The following MYEOV variants were observed in gnomAD, a reference collection of about 807,000 sequenced individuals.
The protein encoded by MYEOV is myeloma overexpressed.
Under a neutral mutation model 4.5 loss-of-function variants are expected in MYEOV, and 4 were observed. The observed-to-expected ratio is 0.89, with a 90% confidence interval of 0.44 to 2.03. The LOEUF (loss-of-function observed/expected upper bound fraction) is 2.03, where lower values mean the gene tolerates loss of function less well. Ranked by LOEUF, MYEOV falls within the 30% of genes most tolerant of loss-of-function variation. The probability of loss-of-function intolerance (pLI) is 0.03; values close to 1 mark genes in which losing one functional copy is unlikely to be tolerated. For synonymous variants in MYEOV, 184 were observed against 170.3 expected, an observed-to-expected ratio of 1.08 and a Z score of -0.63; for missense variants, 408 against 412.8, an observed-to-expected ratio of 0.99 and a Z score of 0.10.
chr11:69,297,141 C>G lies in MYEOV; in HGVS notation c.*749C>G, dbSNP rs567473525. 1 of 152,330 alleles carries G rather than the reference C, an allele frequency of 6.6e-6. No individual in the cohort carries two copies. The highest frequency in any genetic ancestry group is 2.1e-4 in the South Asian group (1 of 4,826). 9.4% of individuals were successfully genotyped at this position (152,330 alleles called of 1,614,324 possible). On this transcript the variant is annotated 3_prime_UTR_variant, in exon 3 of 3. Transcript: ENST00000441339. Reference sequence around the variant, plus strand: ...CTCAGAAGGGAGCTTTAGGCTTGCTCTCAGTCACCACATTAGCTCAGGGGT... The same window carrying G: ...CTCAGAAGGGAGCTTTAGGCTTGCTGTCAGTCACCACATTAGCTCAGGGGT...
rs767982008 is a variant in MYEOV at position 69,296,159 on chromosome 11, C to T, written c.709C>T (p.Leu237=). The T allele has an allele frequency of 8.1e-6, 13 of 1,614,102 alleles. No homozygotes were observed. Among genetic ancestry groups the T allele is most frequent in the Non-Finnish European group, 3.4e-6 (4 of 1,180,020 alleles). ...PDYERGRRAC[L]TLHRHPTPHC... The stretch of plus-strand genomic sequence containing the variant: ...CTATGAAAGGGGAAGAAGAGCATGC[C>T]TGACCCTCCACCGGCACCCCACCCC... Residue 237 remains leucine (L), a synonymous_variant, in exon 3 of 3, where the codon CTG becomes TTG. Coordinates refer to ENST00000441339, the MANE Select transcript of MYEOV (RefSeq NM_001293291.2).
Position 69,296,474 on chromosome 11 carries a change from C to A in MYEOV, c.*82C>A. On this transcript the variant is annotated 3_prime_UTR_variant, in exon 3 of 3. Coordinates refer to ENST00000441339, the MANE Select transcript of MYEOV (RefSeq NM_001293291.2). ...ACTCCATGAGGTAGCTACTAAAACC[C>A]CCCACTTAACAGATGAGGAAACTGA... The A allele has an allele frequency of 1.1e-6, 1 of 930,066 alleles. No individual in the cohort carries two copies. The allele number at this position is 930,066 out of a possible 1,614,324, so 57.6% of individuals were successfully genotyped here. A position where few individuals can be genotyped will look rare whatever the true frequency, so the allele number is the denominator to read the frequency against.
In MYEOV at chr11:69,294,922, G is replaced by A. The variant is rs998917945; in HGVS notation, c.-122-311G>A. ...CCCAGCTGGCTTCTGCCCAGCCACC[G>A]TCACACACAGAGGGCAGCCGTCCCC... is the stretch of plus-strand genomic sequence containing the variant. On this transcript the variant is annotated intron_variant, in intron 1 of 2. Transcript: ENST00000441339. Among the ~76,000 whole-genome samples, 8 of 152,336 alleles carry A rather than the reference G, an allele frequency of 5.3e-5. 1 individual carries two copies. The highest frequency in any genetic ancestry group is 2.1e-4 in the South Asian group (1 of 4,820).
Position 69,296,643 on chromosome 11 carries a change from A to G in MYEOV, c.*251A>G, listed in dbSNP as rs1161695649. On this transcript the variant is annotated 3_prime_UTR_variant, in exon 3 of 3. Coordinates refer to ENST00000441339, the MANE Select transcript of MYEOV (RefSeq NM_001293291.2). ...TTTTTATTGAGTGTCTCCCAGGTGC[A>G]GGCATGAGCCAGGTGCTGGGAAAAT... 9.6e-6 allele frequency: 4 copies of G among 416,588 alleles called. No homozygotes were observed. Among genetic ancestry groups the G allele is most frequent in the African/African-American group, 8.1e-5 (4 of 49,118 alleles). 25.8% of individuals were successfully genotyped at this position (416,588 alleles called of 1,614,324 possible).
chr11:69,296,092 C>A lies in MYEOV; in HGVS notation c.642C>A (p.Ala214=), dbSNP rs140338946. 13 of 1,614,154 alleles carry A rather than the reference C, an allele frequency of 8.1e-6. No homozygotes were observed. Among genetic ancestry groups the A allele is most frequent in the Admixed American group, 1.7e-5 (1 of 60,030 alleles). Residue 214 remains alanine (A), a synonymous_variant, in exon 3 of 3, where the codon GCC becomes GCA. Coordinates refer to ENST00000441339, the MANE Select transcript of MYEOV (RefSeq NM_001293291.2). ...CTGGGCGAGGACTTCTGGCCGGTGC[C>A]GGGGCACTCTGCATGACCCTGGCAG... ...RSPGRGLLAG[A]GALCMTLAES... is the part of the protein sequence containing the mutation.
chr11:69,295,165 C>G lies in MYEOV; in HGVS notation c.-122-68C>G. The G allele has an allele frequency of 1.0e-6, 1 of 965,660 alleles. No individual in the cohort carries two copies. Among genetic ancestry groups the G allele is most frequent in the African/African-American group, 1.7e-5 (1 of 60,414 alleles). 59.8% of individuals were successfully genotyped at this position (965,660 alleles called of 1,614,324 possible). A position where few individuals can be genotyped will look rare whatever the true frequency, so the allele number is the denominator to read the frequency against. ...CACAGAGCGGCGGCCTCTCATCCTC[C>G]CCATGGTCAAGGAGGTCAGTGCCTT... On this transcript the variant is annotated intron_variant, in intron 1 of 2. Transcript: ENST00000441339. This position sits in a 1 kb window ranked among gnomAD's most constrained non-coding sequence, Gnocchi z 4.1.
In MYEOV at chr11:69,295,679, C is replaced by T. The variant is rs142853719; in HGVS notation, c.229C>T (p.Arg77Trp). Reference sequence around the variant, plus strand: ...GGAGGGCTCCAAAGCCGGCAGATCCCGGGGCCGCCTCTGTCTCTCCCAGGC... The same window carrying T: ...GGAGGGCTCCAAAGCCGGCAGATCCTGGGGCCGCCTCTGTCTCTCCCAGGC... ...FVEGSKAGRSRGRLCLSQALR... is the reference protein window; with the variant it reads ...FVEGSKAGRSWGRLCLSQALR... The change falls in exon 3 of 3, where the codon CGG becomes TGG. Residue 77 changes from arginine (R) to tryptophan (W), a missense_variant. Coordinates refer to ENST00000441339, the MANE Select transcript of MYEOV (RefSeq NM_001293291.2). This position sits in a 1 kb window ranked among gnomAD's most constrained non-coding sequence, Gnocchi z 4.1. 2.5e-5 allele frequency: 40 copies of T among 1,614,128 alleles called. No individual in the cohort carries two copies. The highest frequency in any genetic ancestry group is 2.0e-4 in the African/African-American group (15 of 75,022).
Position 69,295,005 on chromosome 11 carries a change from CAGG to C in MYEOV, c.-122-222_-122-220del, listed in dbSNP as rs1855139599. On this transcript the variant is annotated intron_variant, in intron 1 of 2. Transcript: ENST00000441339. This position sits in a 1 kb window ranked among gnomAD's most constrained non-coding sequence, Gnocchi z 4.1. Reference sequence around the variant, plus strand: ...CCTGGAGTCATCTGTGGCTATAAACCAGGAGGAGAAGGCTGCCCACCCCCTGCC... The same window carrying C: ...CCTGGAGTCATCTGTGGCTATAAACCAGGAGAAGGCTGCCCACCCCCTGCC... Among the ~76,000 whole-genome samples, 1 of 152,150 alleles carries C rather than the reference CAGG, an allele frequency of 6.6e-6. No individual in the cohort carries two copies. Among genetic ancestry groups the C allele is most frequent in the Non-Finnish European group, 1.5e-5 (1 of 68,024 alleles).
rs773064006 is a variant in MYEOV at position 69,296,069 on chromosome 11, G to C, written c.619G>C (p.Gly207Arg). Residue 207 changes from glycine (G) to arginine (R), a missense_variant, in exon 3 of 3, where the codon GGG becomes CGG. Physicochemically the swap from Gly to Arg is moderately radical, Grantham distance 125. Coordinates refer to ENST00000441339, the MANE Select transcript of MYEOV (RefSeq NM_001293291.2). The part of the protein sequence containing the change: ...ARMDVALRSP[G>R]RGLLAGAGAL... ...AATGGATGTGGCTCTGCGCTCACCT[G>C]GGCGAGGACTTCTGGCCGGTGCCGG... 14 of 1,614,168 alleles carry C rather than the reference G, an allele frequency of 8.7e-6. No individual in the cohort carries two copies. In the South Asian group the frequency reaches 1.5e-4, roughly 18 times the overall value.
rs768773221 is a variant in MYEOV, at chr11:69,295,458, T to A, written c.104T>A (p.Leu35His). 1 of 1,614,172 alleles carries A rather than the reference T, an allele frequency of 6.2e-7. No homozygotes were observed. Among genetic ancestry groups the A allele is most frequent in the Non-Finnish European group, 8.5e-7 (1 of 1,180,012 alleles). Residue 35 changes from leucine (L) to histidine (H), a missense_variant, in exon 2 of 3, where the codon CTC (leucine) becomes CAC (histidine). Coordinates refer to ENST00000441339, the MANE Select transcript of MYEOV (RefSeq NM_001293291.2). The surrounding 1 kb of genome is among the most constrained non-coding windows in gnomAD (Gnocchi z 4.1). ...LEQSPSWCHC[L>H]RGVSFLTFHL... Reference sequence around the variant, plus strand: ...CAGTCTCCCTCCTGGTGTCATTGTCTCCGTGGTGTGTCCTTCCTGACCTTC... The same window carrying A: ...CAGTCTCCCTCCTGGTGTCATTGTCACCGTGGTGTGTCCTTCCTGACCTTC...
In MYEOV at chr11:69,296,450, C is replaced by T. The variant is rs1271619469; in HGVS notation, c.*58C>T. 5.5e-5 allele frequency: 63 copies of T among 1,145,980 alleles called. No homozygotes were observed. Among genetic ancestry groups the T allele is most frequent in the Non-Finnish European group, 7.6e-5 (63 of 829,274 alleles). 71.0% of individuals were successfully genotyped at this position (1,145,980 alleles called of 1,614,324 possible). On this transcript the variant is annotated 3_prime_UTR_variant, in exon 3 of 3. Transcript: ENST00000441339. ...CAGCCTCATTTAATCCTCAGAATGACTCCATGAGGTAGCTACTAAAACCCC... is the reference window on the plus strand; with the variant it reads ...CAGCCTCATTTAATCCTCAGAATGATTCCATGAGGTAGCTACTAAAACCCC...
At chr11:69,294,762 G>A (rs940610181) in intron 1 of MYEOV, among the ~76,000 whole-genome samples, 186 bp downstream of exon 1, 1 of 152,140 alleles carries the variant, frequency 6.6e-6, no homozygotes, top group African/African-American at 2.4e-5. Flanking sequence ...ACCCACAGAC[G>A]GCTCGGGAGT....
In MYEOV at chr11:69,297,226, G is replaced by A. The variant is rs1420996660; in HGVS notation, c.*834G>A. The A allele has an allele frequency of 6.6e-6, 1 of 152,172 alleles. No homozygotes were observed. The highest frequency in any genetic ancestry group is 2.1e-4 in the South Asian group (1 of 4,822). 9.4% of individuals were successfully genotyped at this position (152,172 alleles called of 1,614,324 possible). A position where few individuals can be genotyped will look rare whatever the true frequency, so the allele number is the denominator to read the frequency against. On this transcript the variant is annotated 3_prime_UTR_variant, in exon 3 of 3. Transcript: ENST00000441339. ...GTCTCCTCCCTGCTGTGCTTCCTGAGGAGCAGGCCGGATGTAAGTTATCAA... is the reference window on the plus strand; with the variant it reads ...GTCTCCTCCCTGCTGTGCTTCCTGAAGAGCAGGCCGGATGTAAGTTATCAA...
rs370559525 is a variant in MYEOV, at chr11:69,295,634, C to T, written c.184C>T (p.Arg62Trp). Residue 62 changes from arginine (R) to tryptophan (W), a missense_variant, in exon 3 of 3, where the codon CGG (arginine) becomes TGG (tryptophan). Transcript: ENST00000441339. This position sits in a 1 kb window ranked among gnomAD's most constrained non-coding sequence, Gnocchi z 4.1. Reference protein sequence around the residue: ...GDRDSLLMFTRQAGHFVEGSK... With the variant: ...GDRDSLLMFTWQAGHFVEGSK... ...CAGGGACTCGTTGCTCATGTTCACC[C>T]GGCAGGCTGGACACTTCGTGGAGGG... 32 of 1,613,964 alleles carry T rather than the reference C, an allele frequency of 2.0e-5. 1 individual carries two copies. The highest frequency in any genetic ancestry group is 5.5e-5 in the South Asian group (5 of 91,078).
chr11:69,295,632 C>G lies in MYEOV; in HGVS notation c.182C>G (p.Thr61Ser). ...GACAGGGACTCGTTGCTCATGTTCA[C>G]CCGGCAGGCTGGACACTTCGTGGAG... ...LGDRDSLLMF[T>S]RQAGHFVEGS... Residue 61 changes from threonine to serine, a missense_variant, in exon 3 of 3, where the codon ACC (threonine) becomes AGC (serine). Thr to Ser is a moderately conservative substitution (Grantham distance 58). Transcript: ENST00000441339. This position sits in a 1 kb window ranked among gnomAD's most constrained non-coding sequence, Gnocchi z 4.1. 1 of 1,614,086 alleles carries G rather than the reference C, an allele frequency of 6.2e-7. No homozygotes were observed. Among genetic ancestry groups the G allele is most frequent in the South Asian group, 1.1e-5 (1 of 91,076 alleles).
Position 69,296,611 on chromosome 11 carries a change from A to G in MYEOV, c.*219A>G. 2.3e-6 allele frequency: 1 copy of G among 432,884 alleles called. No individual in the cohort carries two copies. Among genetic ancestry groups the G allele is most frequent in the Non-Finnish European group, 4.1e-6 (1 of 245,854 alleles). 26.8% of individuals were successfully genotyped at this position (432,884 alleles called of 1,614,324 possible). A position where few individuals can be genotyped will look rare whatever the true frequency, so the allele number is the denominator to read the frequency against. Reference sequence around the variant, plus strand: ...ATTCTTCCCTGCCTCTTCCCTAACTAGACAATTTTTTATTGAGTGTCTCCC... The same window carrying G: ...ATTCTTCCCTGCCTCTTCCCTAACTGGACAATTTTTTATTGAGTGTCTCCC... On this transcript the variant is annotated 3_prime_UTR_variant, in exon 3 of 3. Coordinates refer to ENST00000441339, the MANE Select transcript of MYEOV (RefSeq NM_001293291.2).
At position 69,295,838 on chromosome 11, in the gene MYEOV, G is replaced by A. The variant is rs889882786; in HGVS notation, c.388G>A (p.Val130Met). The change falls in exon 3 of 3, where the codon GTG (valine) becomes ATG (methionine). Residue 130 changes from valine to methionine, a missense_variant. By Grantham distance (21) the Val-to-Met change is conservative. Transcript: ENST00000441339. The surrounding 1 kb of genome is among the most constrained non-coding windows in gnomAD (Gnocchi z 4.1). ...GLSQEAEDVD[V>M]SRARRVTDAP... is the part of the protein sequence containing the mutation. Reference sequence around the variant, plus strand: ...CAGCCAGGAGGCAGAAGACGTGGACGTGTCCCGGGCCAGGAGGGTCACAGA... The same window carrying A: ...CAGCCAGGAGGCAGAAGACGTGGACATGTCCCGGGCCAGGAGGGTCACAGA... The A allele has an allele frequency of 8.1e-6, 13 of 1,614,196 alleles. No homozygotes were observed. Among genetic ancestry groups the A allele is most frequent in the East Asian group, 2.2e-5 (1 of 44,868 alleles).
In MYEOV at chr11:69,295,396, G is replaced by C. The variant is rs754332632; in HGVS notation, c.42G>C (p.Pro14=). Residue 14 remains proline (P), a synonymous_variant, in exon 2 of 3, where the codon CCG becomes CCC. Coordinates refer to ENST00000441339, the MANE Select transcript of MYEOV (RefSeq NM_001293291.2). The surrounding 1 kb of genome is among the most constrained non-coding windows in gnomAD (Gnocchi z 4.1). ...RICVTYTPAL[P]IGLCTRCCLC... is the part of the protein sequence containing the mutation. ...GCGTCACATACACCCCAGCTCTCCC[G>C]ATAGGTCTCTGCACTCGCTGTTGCC... 1.2e-6 allele frequency: 2 copies of C among 1,613,508 alleles called. No homozygotes were observed. Among genetic ancestry groups the C allele is most frequent in the Non-Finnish European group, 1.7e-6 (2 of 1,179,668 alleles).
Position 69,295,179 on chromosome 11 carries a change from G to GGTCA in MYEOV, c.-122-51_-122-48dup, listed in dbSNP as rs2134816194. On this transcript the variant is annotated intron_variant, in intron 1 of 2. Coordinates refer to ENST00000441339, the MANE Select transcript of MYEOV (RefSeq NM_001293291.2). This position sits in a 1 kb window ranked among gnomAD's most constrained non-coding sequence, Gnocchi z 4.1. ...CTCTCATCCTCCCCATGGTCAAGGAGGTCAGTGCCTTCCCGGGGTGGATTA... is the reference window on the plus strand; with the variant it reads ...CTCTCATCCTCCCCATGGTCAAGGAGGTCAGTCAGTGCCTTCCCGGGGTGGATTA... 9.1e-7 allele frequency: 1 copy of GGTCA among 1,098,206 alleles called. No homozygotes were observed. Among genetic ancestry groups the GGTCA allele is most frequent in the Non-Finnish European group, 1.3e-6 (1 of 790,256 alleles). The allele number at this position is 1,098,206 out of a possible 1,614,324, so 68.0% of individuals were successfully genotyped here.
Sources: allele counts gnomAD v4.1 joint callset (sites outside exome capture counted in the v4.1 genomes callset), GRCh38; gene constraint gnomAD v4.1.1; non-coding constraint Gnocchi (gnomAD v3.1); transcripts MANE v1.5; gene names NCBI Gene and HGNC (gene_info 2026-07-23, HGNC 2026-07-21).